The following TNKS variants were observed in gnomAD, a reference collection of about 807,000 sequenced individuals.
TNKS encodes tankyrase, also known as poly [ADP-ribose] polymerase tankyrase-1.
A neutral mutation model predicts 135.8 loss-of-function variants in TNKS; 72 were observed. That is an observed-to-expected ratio of 0.53 (90% CI 0.44 to 0.64). TNKS has a LOEUF of 0.64. TNKS is among the 30% of genes least tolerant of loss of function. The pLI, the probability that TNKS is intolerant of heterozygous loss-of-function variation, is 0.00. For missense variants in TNKS, 1,769 were observed against 1,674.0 expected, an observed-to-expected ratio of 1.06 and a Z score of -0.99; for synonymous variants, 849 against 649.3, an observed-to-expected ratio of 1.31 and a Z score of -4.68.
At chr8:9,602,578 C>G (rs1386244544) in intron 2 of TNKS, among the ~76,000 whole-genome samples, 5 of 152,176 alleles carry the variant, frequency 3.3e-5, no homozygotes, top group African/African-American at 9.7e-5. Flanking sequence ...GTCTCCAGAG[C>G]ACCTGGTGGA....
At chr8:9,712,718 G>A (rs760983118) in intron 11 of TNKS, among the ~76,000 whole-genome samples, 21 of 151,206 alleles carry the variant, frequency 1.4e-4, no homozygotes, top group Non-Finnish European at 2.7e-4. Context: ...GGCCAACCCC[G>A]TCTCTACAAA....
chr8:9,717,316 G>T (rs1039267802), intron 11 of TNKS, among the ~76,000 whole-genome samples: 1 of 151,302 alleles, frequency 6.6e-6, no homozygotes, highest in African/African-American at 2.4e-5. Context: ...TTCCTCATAG[G>T]AAGTGCTTTA....
chr8:9,560,675 C>G (rs1408394104), intron 1 of TNKS, among the ~76,000 whole-genome samples: 1 of 151,520 alleles, frequency 6.6e-6, no homozygotes, highest in Non-Finnish European at 1.5e-5. Flanking sequence ...CTGGCAAGAT[C>G]CTTTATATTA....
chr8:9,709,684 T>C (rs771641528), intron 9 of TNKS, among the ~76,000 whole-genome samples: 5 of 152,212 alleles, frequency 3.3e-5, no homozygotes, highest in African/African-American at 9.6e-5. Context: ...ATGGAATATA[T>C]AGTGAATATT....
At chr8:9,705,303 G>T (rs555356817) in intron 6 of TNKS, among the ~76,000 whole-genome samples, 1 of 152,132 alleles carries the variant, frequency 6.6e-6, no homozygotes, top group Non-Finnish European at 1.5e-5. Context: ...TCAGTTTCCT[G>T]TAAAGTCTCC....
intron 2 of TNKS, among the ~76,000 whole-genome samples, chr8:9,603,319 T>G (rs999915674): frequency 6.7e-6 from 1 of 148,764 alleles, no homozygotes; most frequent in Non-Finnish European, 1.5e-5. Flanking sequence ...CCTCCCAAAG[T>G]GCTGGGATTA....
chr8:9,669,904 G>A (rs1802191195), intron 3 of TNKS, among the ~76,000 whole-genome samples: 1 of 152,104 alleles, frequency 6.6e-6, no homozygotes, highest in Non-Finnish European at 1.5e-5. Context: ...ATATCTAAAA[G>A]GCTATAAAAA....
At chr8:9,656,739 C>G (rs1366297709) in intron 3 of TNKS, among the ~76,000 whole-genome samples, 5 of 150,852 alleles carry the variant, frequency 3.3e-5, no homozygotes, top group Non-Finnish European at 5.9e-5. Flanking sequence ...ACAAAGGTCT[C>G]TGGTTTTCCT....
chr8:9,605,681 A>G (rs1799189870), intron 2 of TNKS, among the ~76,000 whole-genome samples: 1 of 151,814 alleles, frequency 6.6e-6, no homozygotes, highest in Admixed American at 6.6e-5. Flanking sequence ...TTTAGTTTGT[A>G]TTTTTCTGTT....
intron 5 of TNKS, among the ~76,000 whole-genome samples, chr8:9,685,521 C>A (rs1400713652): frequency 6.6e-6 from 1 of 152,144 alleles, no homozygotes; most frequent in Non-Finnish European, 1.5e-5. Flanking sequence ...CACTTACATA[C>A]TTTTAAGTAC....
chr8:9,632,507 A>G (rs191599456), intron 3 of TNKS, among the ~76,000 whole-genome samples: 1 of 152,210 alleles, frequency 6.6e-6, no homozygotes, highest in Non-Finnish European at 1.5e-5. Context: ...TTTCATGAAA[A>G]ATTTCTTCGC....
At position 9,780,799 on chromosome 8, in the gene TNKS, A is replaced by G. The variant is rs1808428352; in HGVS notation, c.*4063A>G. 1 of 152,152 alleles carries G rather than the reference A, an allele frequency of 6.6e-6. No homozygotes were observed. Among genetic ancestry groups the G allele is most frequent in the African/African-American group, 2.4e-5 (1 of 41,426 alleles). 9.4% of individuals were successfully genotyped at this position (152,152 alleles called of 1,614,324 possible). On this transcript the variant is annotated 3_prime_UTR_variant, in exon 27 of 27. Coordinates refer to ENST00000310430, the MANE Select transcript of TNKS (RefSeq NM_003747.3). ...ATCTTATTTTATGATGGTATATTTC[A>G]TAAGTAATATTCCCTTACATGCAAT...
chr8:9,742,345 G>C (rs1484640711), intron 17 of TNKS, among the ~76,000 whole-genome samples: 3 of 146,072 alleles, frequency 2.1e-5, no homozygotes, highest in Non-Finnish European at 4.5e-5. Flanking sequence ...TCAGATACAT[G>C]AGTGTGATAA....
intron 3 of TNKS, among the ~76,000 whole-genome samples, chr8:9,661,529 G>A (rs201287878): frequency 0.11 from 16,419 of 150,814 alleles, 1,151 homozygotes; most frequent in Admixed American, 0.21. Context: ...CTGGCTAGCC[G>A]TATGGAGAAA....
At chr8:9,572,869 A>T (rs1012301447) in intron 1 of TNKS, among the ~76,000 whole-genome samples, 4 of 151,776 alleles carry the variant, frequency 2.6e-5, no homozygotes, top group African/African-American at 9.7e-5. Flanking sequence ...GCCGGGAAAA[A>T]CCTTTTTTTT....
At chr8:9,605,817 G>A (rs995064228) in intron 2 of TNKS, among the ~76,000 whole-genome samples, 1 of 151,952 alleles carries the variant, frequency 6.6e-6, no homozygotes, top group African/African-American at 2.4e-5. Context: ...TTGATTTGTA[G>A]AAGTTCTTTC....
chr8:9,672,721 A>AAAC (rs1563158542), intron 3 of TNKS, among the ~76,000 whole-genome samples: 16 of 147,728 alleles, frequency 1.1e-4, no homozygotes, highest in Admixed American at 7.5e-4. Context: ...CAAAAAAAAA[A>AAAC]AAACAAACTA....
At chr8:9,607,740 G>C (rs1224704224) in intron 2 of TNKS, among the ~76,000 whole-genome samples, 2 of 152,054 alleles carry the variant, frequency 1.3e-5, no homozygotes, top group Non-Finnish European at 2.9e-5. Context: ...ATGAATTTGG[G>C]AGCCCTTTAT....
At chr8:9,598,705 A>ATGTGTG (rs376761155) in intron 2 of TNKS, among the ~76,000 whole-genome samples, 1,513 of 108,162 alleles carry the variant, frequency 0.014, 49 homozygotes, top group African/African-American at 0.049. Flanking sequence ...TGTCTAAAAT[A>ATGTGTG]TGTGTGTGTG....
Sources: allele counts gnomAD v4.1 joint callset (sites outside exome capture counted in the v4.1 genomes callset), GRCh38; gene constraint gnomAD v4.1.1; transcripts MANE v1.5; gene names NCBI Gene and HGNC (gene_info 2026-07-23, HGNC 2026-07-21).